BNC2: variants seen among roughly 807,000 people sequenced by gnomAD.
BNC2 encodes basonuclin zinc finger protein 2, also known as zinc finger protein basonuclin-2.
In BNC2, 20 loss-of-function variants were observed where a neutral mutation model predicts 76.3. The observed-to-expected ratio is 0.26, with a 90% CI of 0.18 to 0.38. The LOEUF is 0.38. Ranked by LOEUF, BNC2 falls within the 10% of genes least tolerant of loss-of-function variation. The probability of loss-of-function intolerance (pLI) is 1.00; values close to 1 mark genes in which losing one functional copy is unlikely to be tolerated. For synonymous variants in BNC2, 582 were observed against 514.8 expected (o/e 1.13, Z -1.77); for missense variants, 1,382 against 1,399.8 (o/e 0.99, Z 0.20).
At position 16,857,363 on chromosome 9, in the gene BNC2, G is replaced by C. The variant is rs565624345; in HGVS notation, c.3+13283C>G. 2.0e-4 allele frequency among the ~76,000 whole-genome samples: 30 copies of C among 151,702 alleles called. No homozygotes were observed. In the East Asian group the frequency reaches 5.5e-3, roughly 28 times the overall value. ...GGGTTGGCAGGCACCTGTAATCCCA[G>C]CTACTCGGGAGGCTAAGGCAGGAGA... On this transcript the variant is annotated intron_variant, in intron 1 of 6. Transcript: ENST00000380672.
At position 16,415,973 on chromosome 9, in the gene BNC2, G is replaced by C. The variant is rs943260880; in HGVS notation, c.*3016C>G. 1.1e-4 allele frequency: 16 copies of C among 152,146 alleles called. No individual in the cohort carries two copies. Among genetic ancestry groups the C allele is most frequent in the African/African-American group, 2.9e-4 (12 of 41,438 alleles). 9.4% of individuals were successfully genotyped at this position (152,146 alleles called of 1,614,324 possible). ...TGAACACATTCATGTTTCCAAGCAAGGGAAACTCTACTTCTAGAATCTCAT... is the reference window on the plus strand; with the variant it reads ...TGAACACATTCATGTTTCCAAGCAACGGAAACTCTACTTCTAGAATCTCAT... On this transcript the variant is annotated 3_prime_UTR_variant, in exon 7 of 7. Coordinates refer to ENST00000380672, the MANE Select transcript of BNC2 (RefSeq NM_017637.6).
intron 5 of BNC2, among the ~76,000 whole-genome samples, chr9:16,513,049 C>A (rs966915357): frequency 1.3e-5 from 2 of 151,920 alleles, no homozygotes; most frequent in Non-Finnish European, 1.5e-5. Context: ...ACATGAGAAT[C>A]GCTTGAACCT....
chr9:16,744,133 A>ATTTTTTTTTTTTTTTTTTT (rs368807707), intron 1 of BNC2, among the ~76,000 whole-genome samples: 2 of 151,124 alleles, frequency 1.3e-5, no homozygotes, highest in African/African-American at 4.9e-5. Context: ...CGCCCGGCTA[A>ATTTTTTTTTTTTTTTTTTT]TTTTTTTTTG....
chr9:16,813,228 C>T (rs1035925773), intron 1 of BNC2, among the ~76,000 whole-genome samples: 9 of 151,920 alleles, frequency 5.9e-5, no homozygotes, highest in Admixed American at 5.2e-4. Context: ...GGTCTATATA[C>T]CCACAACATT....
intron 1 of BNC2, among the ~76,000 whole-genome samples, chr9:16,755,274 C>A (rs562388547): frequency 6.6e-6 from 1 of 152,044 alleles, no homozygotes; most frequent in East Asian, 1.9e-4. Flanking sequence ...GGAAAACAGT[C>A]CACAGGAGAC....
intron 1 of BNC2, chr9:16,867,492 T>C (rs1819571504): frequency 6.6e-6 from 1 of 152,184 alleles, no homozygotes; most frequent in South Asian, 2.1e-4. Context: ...AACAAGTGAA[T>C]GTGAACAGTA....
rs10962571 is a variant in BNC2, at chr9:16,759,790, C to T, written c.4-21305G>A. ...CCTGACTAGAGTGTAGTGGCACCAT[C>T]CCGGCTCACTGCCTGCTCCGCCTCC... is the stretch of plus-strand genomic sequence containing the variant. On this transcript the variant is annotated intron_variant, in intron 1 of 6. Coordinates refer to ENST00000380672, the MANE Select transcript of BNC2 (RefSeq NM_017637.6). Among the ~76,000 whole-genome samples the T allele has an allele frequency of 9.7e-3, 1,473 of 151,498 alleles. 9 individuals are homozygous for T. Among genetic ancestry groups the T allele is most frequent in the Non-Finnish European group, 0.016 (1,117 of 67,944 alleles).
chr9:16,475,603 C>T (rs1821911276), intron 5 of BNC2, among the ~76,000 whole-genome samples: 1 of 152,236 alleles, frequency 6.6e-6, no homozygotes, highest in African/African-American at 2.4e-5. Flanking sequence ...CTCTACTTCT[C>T]AAATTAAAAA....
intron 3 of BNC2, among the ~76,000 whole-genome samples, chr9:16,601,823 G>A (rs1036163843): frequency 6.6e-6 from 1 of 152,094 alleles, no homozygotes; most frequent in Non-Finnish European, 1.5e-5. Context: ...GAGAGATTGC[G>A]TACAACTGGC....
intron 3 of BNC2, among the ~76,000 whole-genome samples, chr9:16,665,596 C>T (rs755787949): frequency 2.6e-5 from 4 of 152,112 alleles, no homozygotes; most frequent in Non-Finnish European, 5.9e-5. Context: ...TTTTATGCTA[C>T]TAAGCATGAA....
chr9:16,702,201 C>A (rs1045480741), intron 3 of BNC2, among the ~76,000 whole-genome samples: 1 of 152,182 alleles, frequency 6.6e-6, no homozygotes, highest in South Asian at 2.1e-4. Context: ...ACACTCGAAG[C>A]TTTAGTGTGG....
intron 5 of BNC2, among the ~76,000 whole-genome samples, chr9:16,503,791 C>T (rs1007848155): frequency 2.0e-5 from 3 of 152,168 alleles, no homozygotes; most frequent in South Asian, 2.1e-4. Flanking sequence ...TCAATAACAC[C>T]TTTATAAATA....
At chr9:16,715,182 T>C (rs1007361855) in intron 3 of BNC2, among the ~76,000 whole-genome samples, 11 of 152,252 alleles carry the variant, frequency 7.2e-5, no homozygotes, top group African/African-American at 2.4e-4. Context: ...CATGGGATTA[T>C]TTTCAGAATT....
chr9:16,443,710 A>C (rs1821175643), intron 5 of BNC2, among the ~76,000 whole-genome samples: 1 of 152,208 alleles, frequency 6.6e-6, no homozygotes, highest in African/African-American at 2.4e-5. Context: ...ACTCTTCAAA[A>C]GCATTATGCT....
At position 16,796,118 on chromosome 9, in the gene BNC2, G is replaced by A. The variant is rs1271913514; in HGVS notation, c.4-57633C>T. Among the ~76,000 whole-genome samples the A allele has an allele frequency of 4.6e-5, 7 of 152,288 alleles. No homozygotes were observed. The East Asian group carries it at 1.4e-3, about 29-fold the overall frequency. ...TTCTACTAAGCAACACTGTTAGTGA[G>A]ACAGCAGGTACATAAAACAGAGACA... is the stretch of plus-strand genomic sequence containing the variant. On this transcript the variant is annotated intron_variant, in intron 1 of 6. Transcript: ENST00000380672.
At chr9:16,659,073 T>C in intron 3 of BNC2, among the ~76,000 whole-genome samples, 1 of 151,940 alleles carries the variant, frequency 6.6e-6, no homozygotes, top group East Asian at 1.9e-4. Flanking sequence ...TTAAGAGAGG[T>C]ACTCAATAAA....
intron 6 of BNC2, among the ~76,000 whole-genome samples, chr9:16,432,957 G>T (rs931170977): frequency 9.2e-5 from 14 of 152,164 alleles, no homozygotes; most frequent in African/African-American, 3.4e-4. Context: ...AATCCAAGAG[G>T]CTTTGTGAAT....
intron 3 of BNC2, among the ~76,000 whole-genome samples, chr9:16,590,184 G>A (rs533320437): frequency 6.6e-4 from 101 of 152,206 alleles, no homozygotes; most frequent in African/African-American, 2.3e-3. Context: ...GGGAAAAGAA[G>A]AAATTTTTTT....
At chr9:16,722,150 C>T (rs1039731357) in intron 3 of BNC2, among the ~76,000 whole-genome samples, 3 of 152,180 alleles carry the variant, frequency 2.0e-5, no homozygotes, top group Non-Finnish European at 2.9e-5. Flanking sequence ...CTATCTGTAA[C>T]GGACTGTTCC....
Sources: gnomAD v4.1 joint callset for allele counts (sites outside exome capture counted in the v4.1 genomes callset) on GRCh38, gnomAD v4.1.1 for gene constraint, MANE v1.5 for transcripts, NCBI Gene and HGNC (gene_info 2026-07-23, HGNC 2026-07-21) for gene names.